The following SPINT4 variants were observed in gnomAD, a reference collection of about 807,000 sequenced individuals.
SPINT4 encodes serine peptidase inhibitor, Kunitz type 4.
SPINT4 carries 7 observed loss-of-function variants against 9.4 expected under a neutral mutation model. The observed-to-expected ratio is 0.74, with a 90% confidence interval of 0.42 to 1.40. The LOEUF (loss-of-function observed/expected upper bound fraction) is 1.40. Ranked by LOEUF, SPINT4 falls within the 40% of genes most tolerant of loss-of-function variation. The pLI is 0.01. For missense variants in SPINT4, 105 were observed against 114.4 expected, an observed-to-expected ratio of 0.92 and a Z score of 0.37; for synonymous variants, 36 against 39.9, an observed-to-expected ratio of 0.90 and a Z score of 0.37.
intron 2 of SPINT4, 86 bp downstream of exon 2, chr20:45,724,143 G>T: frequency 7.2e-7 from 1 of 1,381,430 alleles, no homozygotes; most frequent in Non-Finnish European, 9.9e-7. Context: ...TTGATCAGGG[G>T]CTAACCTTGC....
chr20:45,725,708 G>C lies in SPINT4; in HGVS notation c.*73G>C, dbSNP rs1978369165. The C allele has an allele frequency of 7.0e-6, 11 of 1,576,728 alleles. No individual in the cohort carries two copies. The highest frequency in any genetic ancestry group is 9.6e-6 in the Non-Finnish European group (11 of 1,146,280). The stretch of plus-strand genomic sequence containing the variant: ...ACACAAGAAAATTCAGACTGATTTT[G>C]AAATCTTTGTAATATTTCCATAATG... On this transcript the variant is annotated 3_prime_UTR_variant, in exon 3 of 3. Coordinates refer to ENST00000279058, the MANE Select transcript of SPINT4 (RefSeq NM_178455.3).
intron 2 of SPINT4, 129 bp from the exon 3 acceptor site, chr20:45,725,500 A>G (rs1291925482): frequency 1.1e-6 from 1 of 916,420 alleles, no homozygotes; most frequent in African/African-American, 1.7e-5. Context: ...TCAATAAAAT[A>G]AGGGAAACAT....
intron 2 of SPINT4, among the ~76,000 whole-genome samples, chr20:45,724,999 T>A (rs369751441): frequency 0.028 from 2,193 of 78,014 alleles, 213 homozygotes; most frequent in East Asian, 0.19. Context: ...AAAAAAAATA[T>A]ATATATATAT....
In SPINT4 at chr20:45,724,214, C is replaced by T. The variant is rs1392691597; in HGVS notation, c.293+157C>T. ...AGTTTTAACAGTTGGGTTGGCCGGG[C>T]GCAGTGGCTCATGCCTGTAACCCCA... On this transcript the variant is annotated intron_variant, in intron 2 of 2. Transcript: ENST00000279058. Among the ~76,000 whole-genome samples, 5 of 152,044 alleles carry T rather than the reference C, an allele frequency of 3.3e-5. No individual in the cohort carries two copies. The East Asian group carries it at 5.8e-4, about 18-fold the overall frequency.
intron 2 of SPINT4, among the ~76,000 whole-genome samples, chr20:45,725,301 G>A (rs900167133): frequency 3.3e-5 from 5 of 151,758 alleles, no homozygotes; most frequent in Admixed American, 6.6e-5. Context: ...GGAAATAGAA[G>A]GTCAATGGTG....
At chr20:45,723,234 A>G (rs1479804673) in intron 1 of SPINT4, among the ~76,000 whole-genome samples, 3 of 152,128 alleles carry the variant, frequency 2.0e-5, no homozygotes. Context: ...GTGGATTGTC[A>G]ATACAACCAT....
chr20:45,725,537 T>C, intron 2 of SPINT4, 92 bp from the exon 3 acceptor site: 1 of 1,373,504 alleles, frequency 7.3e-7, no homozygotes, highest in Non-Finnish European at 1.0e-6. Context: ...CTCTGTGCTT[T>C]CCCTAGGATA....
chr20:45,725,000 AT>A (rs1172518891), intron 2 of SPINT4, among the ~76,000 whole-genome samples: 1 of 103,262 alleles, frequency 9.7e-6, no homozygotes, highest in East Asian at 3.5e-4. Flanking sequence ...AAAAAAATAT[AT>A]ATATATATAT....
At position 45,725,658 on chromosome 20, in the gene SPINT4, G is replaced by A. The variant is rs1978366849; in HGVS notation, c.*23G>A. On this transcript the variant is annotated 3_prime_UTR_variant, in exon 3 of 3. Transcript: ENST00000279058. ...TGAGAGGATGTGAACTCATGAAGTTGTCTGCTGCACCATCCGAAATAAAGA... is the reference window on the plus strand; with the variant it reads ...TGAGAGGATGTGAACTCATGAAGTTATCTGCTGCACCATCCGAAATAAAGA... 6.2e-7 allele frequency: 1 copy of A among 1,613,444 alleles called. No individual in the cohort carries two copies. The highest frequency in any genetic ancestry group is 1.7e-5 in the Admixed American group (1 of 60,004).
At chr20:45,723,794 T>G in intron 1 of SPINT4, 86 bp from the exon 2 acceptor site, 1 of 1,120,336 alleles carries the variant, frequency 8.9e-7, no homozygotes, top group Non-Finnish European at 1.3e-6. Flanking sequence ...AGGCTAAACG[T>G]AGGAATTTTT....
chr20:45,725,553 T>C (rs1978357708), intron 2 of SPINT4, 76 bp from the exon 3 acceptor site: 2 of 1,513,082 alleles, frequency 1.3e-6, no homozygotes, highest in East Asian at 4.5e-5. Context: ...GGATAAAAAA[T>C]GACCTGCATT....
chr20:45,725,017 T>TACACAC (rs1984912095), intron 2 of SPINT4, among the ~76,000 whole-genome samples: 8 of 123,200 alleles, frequency 6.5e-5, no homozygotes, highest in Non-Finnish European at 9.7e-5. Context: ...TATATATATA[T>TACACAC]ATATATATAT....
At chr20:45,724,143 G>A (rs1984871096) in intron 2 of SPINT4, 86 bp downstream of exon 2, 1 of 1,381,430 alleles carries the variant, frequency 7.2e-7, no homozygotes. Flanking sequence ...TTGATCAGGG[G>A]CTAACCTTGC....
In SPINT4 at chr20:45,723,931, G is replaced by C. The variant is rs1278258121; in HGVS notation, c.167G>C (p.Arg56Thr). The C allele has an allele frequency of 1.2e-6, 2 of 1,605,862 alleles. No individual in the cohort carries two copies. The highest frequency in any genetic ancestry group is 1.7e-6 in the Non-Finnish European group (2 of 1,177,990). The change falls in exon 2 of 3, where the codon AGA (arginine) becomes ACA (threonine). Residue 56 changes from arginine (R) to threonine (T), a missense_variant. Transcript: ENST00000279058. ...NFGSCYEVHF[R>T]YFYNRTSKRC... ...GGAAGCTGCTATGAAGTTCACTTTA[G>C]ATATTTCTACAACAGAACCTCCAAA...
chr20:45,723,228 A>G (rs1269189271), intron 1 of SPINT4, among the ~76,000 whole-genome samples: 1 of 152,080 alleles, frequency 6.6e-6, no homozygotes, highest in Non-Finnish European at 1.5e-5. Flanking sequence ...AGTAAGGTGG[A>G]TTGTCAATAC....
intron 1 of SPINT4, among the ~76,000 whole-genome samples, chr20:45,722,889 T>G (rs1159309168): frequency 6.6e-6 from 1 of 152,110 alleles, no homozygotes; most frequent in Non-Finnish European, 1.5e-5. Context: ...CTTGGACAGA[T>G]GATTCCTGTT....
intron 2 of SPINT4, among the ~76,000 whole-genome samples, chr20:45,724,592 C>T (rs531200461): frequency 3.3e-5 from 5 of 150,948 alleles, no homozygotes; most frequent in Non-Finnish European, 7.4e-5. Context: ...AAATCAAATG[C>T]CCAGAGAGAA....
chr20:45,725,563 T>A, intron 2 of SPINT4, 66 bp from the exon 3 acceptor site: 1 of 1,586,984 alleles, frequency 6.3e-7, no homozygotes, highest in Non-Finnish European at 8.7e-7. Flanking sequence ...TGACCTGCAT[T>A]AATCCAGGGA....
chr20:45,724,107 G>A, intron 2 of SPINT4, 50 bp downstream of exon 2: 1 of 1,539,852 alleles, frequency 6.5e-7, no homozygotes, highest in Non-Finnish European at 8.7e-7. Flanking sequence ...AAAAGAAGAG[G>A]TTTTGACATC....
Sources: allele counts gnomAD v4.1 joint callset (sites outside exome capture counted in the v4.1 genomes callset), GRCh38; gene constraint gnomAD v4.1.1; transcripts MANE v1.5; gene names NCBI Gene and HGNC (gene_info 2026-07-23, HGNC 2026-07-21).